Variants in RBMS3 observed in about 807,000 individuals in gnomAD.
The protein encoded by RBMS3 is RNA-binding motif, single-stranded-interacting protein 3.
In RBMS3, 27 loss-of-function variants were observed where a neutral mutation model predicts 66.8. The observed-to-expected ratio is 0.40, with a 90% CI of 0.30 to 0.56. RBMS3 has a LOEUF of 0.56. RBMS3 is among the 20% of genes least tolerant of loss of function. The pLI is 0.40. For synonymous variants in RBMS3, 188 were observed against 183.0 expected, an observed-to-expected ratio of 1.03 and a Z score of -0.22; for missense variants, 513 against 549.5, an observed-to-expected ratio of 0.93 and a Z score of 0.66.
chr3:29,407,356 T>A (rs1218233306), intron 1 of RBMS3, among the ~76,000 whole-genome samples: 2 of 152,178 alleles, frequency 1.3e-5, no homozygotes, highest in African/African-American at 4.8e-5. Flanking sequence ...CTGAGGTGTA[T>A]GTACACGACC....
At chr3:29,588,371 G>C (rs2047607484) in intron 4 of RBMS3, among the ~76,000 whole-genome samples, 1 of 152,028 alleles carries the variant, frequency 6.6e-6, no homozygotes, top group South Asian at 2.1e-4. Flanking sequence ...ATTCCCATAA[G>C]AGTTGAGTGA....
chr3:29,684,915 G>A (rs79529468), intron 4 of RBMS3, among the ~76,000 whole-genome samples: 10,170 of 151,872 alleles, frequency 0.067, 430 homozygotes, highest in Middle Eastern at 0.17. Flanking sequence ...ACAGAATTCT[G>A]TTTGGTTTAT....
chr3:29,980,577 A>C, intron 12 of RBMS3, among the ~76,000 whole-genome samples: 1 of 152,144 alleles, frequency 6.6e-6, no homozygotes, highest in East Asian at 1.9e-4. Flanking sequence ...TCTTACATTT[A>C]AGTCTTTAAT....
intron 4 of RBMS3, among the ~76,000 whole-genome samples, chr3:29,730,071 T>C (rs1342703293): frequency 6.6e-6 from 1 of 151,944 alleles, no homozygotes; most frequent in African/African-American, 2.4e-5. Flanking sequence ...TAACAACAAA[T>C]AGTTTATATA....
At chr3:29,306,742 T>G (rs2034039190) in intron 1 of RBMS3, among the ~76,000 whole-genome samples, 1 of 151,894 alleles carries the variant, frequency 6.6e-6, no homozygotes, top group Non-Finnish European at 1.5e-5. Context: ...CTCCCTTCAG[T>G]TGATCAAGCT....
At chr3:29,907,106 C>T (rs932687484) in intron 10 of RBMS3, among the ~76,000 whole-genome samples, 1 of 152,080 alleles carries the variant, frequency 6.6e-6, no homozygotes, top group African/African-American at 2.4e-5. Flanking sequence ...ATCTGGCAGT[C>T]TTTTTTCCCT....
chr3:29,365,123 A>T (rs1024793112), intron 1 of RBMS3, among the ~76,000 whole-genome samples: 2 of 152,156 alleles, frequency 1.3e-5, no homozygotes, highest in African/African-American at 2.4e-5. Context: ...AGATTATTCA[A>T]TAGTACCTAT....
intron 4 of RBMS3, among the ~76,000 whole-genome samples, chr3:29,693,742 G>A (rs997336657): frequency 7.9e-5 from 12 of 152,204 alleles, no homozygotes; most frequent in African/African-American, 2.6e-4. Context: ...GGTTGAGACC[G>A]AAGCTGTACA....
At chr3:29,441,434 A>T (rs2041615957) in intron 2 of RBMS3, among the ~76,000 whole-genome samples, 1 of 152,152 alleles carries the variant, frequency 6.6e-6, no homozygotes, top group Non-Finnish European at 1.5e-5. Flanking sequence ...CTAAGTTTTT[A>T]AATTATTTAA....
intron 4 of RBMS3, among the ~76,000 whole-genome samples, chr3:29,653,822 C>T (rs185863961): frequency 6.6e-6 from 1 of 152,250 alleles, no homozygotes; most frequent in Non-Finnish European, 1.5e-5. Flanking sequence ...TGCCGTGAGT[C>T]AAGTTTCTTG....
At chr3:29,299,088 A>C (rs2125442131) in intron 1 of RBMS3, among the ~76,000 whole-genome samples, 1 of 152,008 alleles carries the variant, frequency 6.6e-6, no homozygotes, top group Admixed American at 6.6e-5. Flanking sequence ...GGACTGTTGG[A>C]GCAAGTAGAC....
chr3:29,309,428 G>A (rs562150155), intron 1 of RBMS3, among the ~76,000 whole-genome samples: 126 of 151,798 alleles, frequency 8.3e-4, no homozygotes, highest in Non-Finnish European at 1.6e-3. Flanking sequence ...CCCTTTGGGC[G>A]TATTTGTATC....
At position 29,434,793 on chromosome 3, in the gene RBMS3, AAACAGCAGCAGCAAC is replaced by A; in HGVS notation, c.137_151del (p.Ser46_Ser50del). 1 of 1,614,112 alleles carries A rather than the reference AAACAGCAGCAGCAAC, an allele frequency of 6.2e-7. No homozygotes were observed. The highest frequency in any genetic ancestry group is 8.5e-7 in the Non-Finnish European group (1 of 1,179,998). The stretch of plus-strand genomic sequence containing the variant: ...CCATGGCTCCTCCCAGCCCCAGCAC[AAACAGCAGCAGCAAC>A]AACAGCAGCAACAACAGCAGCGGGG... On this transcript the variant is annotated inframe_deletion, in exon 2 of 15. Coordinates refer to ENST00000383767, the MANE Select transcript of RBMS3 (RefSeq NM_001003793.3).
At chr3:29,742,214 A>G (rs1362605192) in intron 5 of RBMS3, among the ~76,000 whole-genome samples, 4 of 152,198 alleles carry the variant, frequency 2.6e-5, no homozygotes, top group Non-Finnish European at 5.9e-5. Context: ...TAAAACTTAC[A>G]AAGTTATTTT....
At chr3:29,518,529 A>G (rs1225319465) in intron 3 of RBMS3, among the ~76,000 whole-genome samples, 1 of 152,226 alleles carries the variant, frequency 6.6e-6, no homozygotes, top group Non-Finnish European at 1.5e-5. Flanking sequence ...TCATTATTAA[A>G]GGTGCATCCT....
chr3:29,904,673 T>G (rs1347562708), intron 10 of RBMS3, among the ~76,000 whole-genome samples: 1 of 152,038 alleles, frequency 6.6e-6, no homozygotes. Context: ...CAAATTGCCT[T>G]TTAGATAGCA....
chr3:29,508,105 A>G (rs1247995795), intron 3 of RBMS3, among the ~76,000 whole-genome samples: 1 of 152,166 alleles, frequency 6.6e-6, no homozygotes, highest in African/African-American at 2.4e-5. Flanking sequence ...TACTAATCAT[A>G]ATATAAGGCC....
In RBMS3 at chr3:29,442,608, G is replaced by A. The variant is rs115188579; in HGVS notation, c.248+7693G>A. On this transcript the variant is annotated intron_variant, in intron 2 of 14. Transcript: ENST00000383767. ...GAGTAAACATCTGGAGCTCAGAGAG[G>A]TGGAATTCTAGGCAGATCTCATGCT... 3.4e-3 allele frequency among the ~76,000 whole-genome samples: 525 copies of A among 152,244 alleles called. 2 individuals are homozygous for A. Among genetic ancestry groups the A allele is most frequent in the South Asian group, 1.0e-2 (48 of 4,824 alleles).
At chr3:29,706,685 GA>G (rs1166924273) in intron 4 of RBMS3, among the ~76,000 whole-genome samples, 3 of 152,286 alleles carry the variant, frequency 2.0e-5, no homozygotes, top group East Asian at 3.9e-4. Context: ...AGCCGTGAAT[GA>G]AAAAGATGTT....
Sources: allele counts gnomAD v4.1 joint callset (sites outside exome capture counted in the v4.1 genomes callset), GRCh38; gene constraint gnomAD v4.1.1; transcripts MANE v1.5; gene names NCBI Gene and HGNC (gene_info 2026-07-23, HGNC 2026-07-21).